TTC33: variants seen among roughly 807,000 people sequenced by gnomAD.
TTC33 encodes the protein tetratricopeptide repeat protein 33.
Under a neutral mutation model 29.4 loss-of-function variants are expected in TTC33, and 24 were observed. The observed-to-expected ratio is 0.82, with a 90% CI of 0.59 to 1.15. The LOEUF is 1.15. Among genes scored for constraint, TTC33 ranks in the 50% most tolerant of loss-of-function variants. The probability of loss-of-function intolerance (pLI) is 0.00; values close to 1 mark genes in which losing one functional copy is unlikely to be tolerated. For missense variants in TTC33, 286 were observed against 310.4 expected, an observed-to-expected ratio of 0.92 and a Z score of 0.59; for synonymous variants, 107 against 100.3, an observed-to-expected ratio of 1.07 and a Z score of -0.40.
At chr5:40,733,656 A>G (rs958888346) in intron 2 of TTC33, among the ~76,000 whole-genome samples, 1 of 152,142 alleles carries the variant, frequency 6.6e-6, no homozygotes, top group African/African-American at 2.4e-5. Context: ...AGGGTCAGGG[A>G]TGTTAACATT....
At position 40,714,479 on chromosome 5, in the gene TTC33, GA is replaced by G. The variant is rs910267449; in HGVS notation, c.*1665del. The G allele has an allele frequency of 1.3e-4, 20 of 152,006 alleles. No homozygotes were observed. Among genetic ancestry groups the G allele is most frequent in the South Asian group, 1.2e-3 (6 of 4,820 alleles). 9.4% of individuals were successfully genotyped at this position (152,006 alleles called of 1,614,324 possible). A position where few individuals can be genotyped will look rare whatever the true frequency, so the allele number is the denominator to read the frequency against. On this transcript the variant is annotated 3_prime_UTR_variant, in exon 5 of 5. Coordinates refer to ENST00000337702, the MANE Select transcript of TTC33 (RefSeq NM_012382.3). ...ATAATAGGAAAATCTTCAAAATGCA[GA>G]AAAAAACTATTTATTCACAAATTAC...
chr5:40,740,438 T>C (rs1742668288), intron 2 of TTC33, among the ~76,000 whole-genome samples: 1 of 152,146 alleles, frequency 6.6e-6, no homozygotes, highest in South Asian at 2.1e-4. Context: ...TTGGCAGTTT[T>C]ACTTTCCTTC....
chr5:40,750,718 T>C (rs1287291745), intron 1 of TTC33, among the ~76,000 whole-genome samples: 1 of 152,234 alleles, frequency 6.6e-6, no homozygotes, highest in Non-Finnish European at 1.5e-5. Context: ...ACTCTGCCAC[T>C]GCTTTATCAA....
At chr5:40,747,096 T>C in intron 1 of TTC33, 77 bp from the exon 2 acceptor site, 1 of 1,325,482 alleles carries the variant, frequency 7.5e-7, no homozygotes, top group Non-Finnish European at 1.0e-6. Flanking sequence ...CTCACTCTCG[T>C]TGCCCAGGCT....
chr5:40,717,465 G>C (rs1397236568), intron 4 of TTC33, among the ~76,000 whole-genome samples: 1 of 152,096 alleles, frequency 6.6e-6, no homozygotes, highest in Admixed American at 6.5e-5. Flanking sequence ...CTCCACTACA[G>C]TCTGGATAAA....
chr5:40,750,858 C>T (rs1742882342), intron 1 of TTC33, among the ~76,000 whole-genome samples: 2 of 152,192 alleles, frequency 1.3e-5, no homozygotes, highest in African/African-American at 4.8e-5. Flanking sequence ...ACTCCTCATC[C>T]TTTCAAATTT....
At chr5:40,730,864 C>A (rs2111898077) in intron 2 of TTC33, among the ~76,000 whole-genome samples, 1 of 152,136 alleles carries the variant, frequency 6.6e-6, no homozygotes, top group South Asian at 2.1e-4. Context: ...TGCCACTAAA[C>A]AATACTTAGT....
chr5:40,744,619 T>C (rs1339017025), intron 2 of TTC33, among the ~76,000 whole-genome samples: 1 of 152,122 alleles, frequency 6.6e-6, no homozygotes, highest in Admixed American at 6.5e-5. Flanking sequence ...GGCCTGATTT[T>C]AGATTTCTGG....
chr5:40,746,285 G>A (rs1742786002), intron 2 of TTC33, among the ~76,000 whole-genome samples: 1 of 152,070 alleles, frequency 6.6e-6, no homozygotes, highest in South Asian at 2.1e-4. Context: ...AGCTAAAGAA[G>A]GGCTAAAAAT....
chr5:40,740,613 G>T (rs1006610542), intron 2 of TTC33, among the ~76,000 whole-genome samples: 5 of 152,112 alleles, frequency 3.3e-5, no homozygotes. Context: ...CATTCCCGAG[G>T]GGCATGGGAC....
At position 40,715,900 on chromosome 5, in the gene TTC33, T is replaced by A. The variant is rs1741986644; in HGVS notation, c.*245A>T. On this transcript the variant is annotated 3_prime_UTR_variant, in exon 5 of 5. Coordinates refer to ENST00000337702, the MANE Select transcript of TTC33 (RefSeq NM_012382.3). ...ATTCATTTACATATTCAGATTAAAC[T>A]AAGTTTATTAATCAAAGACCATTTT... 2 of 394,146 alleles carry A rather than the reference T, an allele frequency of 5.1e-6. No homozygotes were observed. The highest frequency in any genetic ancestry group is 1.8e-4 in the South Asian group (2 of 11,274). 24.4% of individuals were successfully genotyped at this position (394,146 alleles called of 1,614,324 possible). A position where few individuals can be genotyped will look rare whatever the true frequency, so the allele number is the denominator to read the frequency against.
chr5:40,730,198 G>T, intron 3 of TTC33, 64 bp downstream of exon 3: 1 of 1,242,866 alleles, frequency 8.0e-7, no homozygotes, highest in Non-Finnish European at 1.1e-6. Context: ...CTTCATCATT[G>T]CTCACTCACC....
chr5:40,736,684 G>T (rs984208328), intron 2 of TTC33, among the ~76,000 whole-genome samples: 1 of 152,156 alleles, frequency 6.6e-6, no homozygotes, highest in Admixed American at 6.5e-5. Flanking sequence ...TTCACTTGGT[G>T]CTTATTAGGT....
intron 1 of TTC33, among the ~76,000 whole-genome samples, chr5:40,750,738 T>C (rs748769847): frequency 6.6e-6 from 1 of 152,236 alleles, no homozygotes; most frequent in Non-Finnish European, 1.5e-5. Context: ...ACTAAGTTTA[T>C]ATAATGTACT....
intron 2 of TTC33, among the ~76,000 whole-genome samples, chr5:40,730,574 C>A (rs1204476946): frequency 2.6e-5 from 4 of 152,146 alleles, no homozygotes; most frequent in Admixed American, 2.6e-4. Flanking sequence ...AAACTCCATA[C>A]CCATTAAACA....
chr5:40,735,578 T>C (rs1742531415), intron 2 of TTC33, among the ~76,000 whole-genome samples: 1 of 152,090 alleles, frequency 6.6e-6, no homozygotes, highest in South Asian at 2.1e-4. Context: ...AAAACAGAAG[T>C]AAGCCATGAA....
At chr5:40,751,292 A>G (rs1372189771) in intron 1 of TTC33, among the ~76,000 whole-genome samples, 1 of 152,256 alleles carries the variant, frequency 6.6e-6, no homozygotes, top group African/African-American at 2.4e-5. Flanking sequence ...CATCTCCATC[A>G]GAACTCTTGG....
chr5:40,716,201 C>G lies in TTC33; in HGVS notation c.733G>C (p.Glu245Gln). The change falls in exon 5 of 5, where the codon GAA (glutamate) becomes CAA (glutamine). Residue 245 changes from glutamate (E) to glutamine (Q), a missense_variant. Transcript: ENST00000337702. ...SASGAIETVTEKEDGATPPDG... is the reference protein window; with the variant it reads ...SASGAIETVTQKEDGATPPDG... ...GGTGGTGTAGCACCATCCTCCTTTT[C>G]AGTTACAGTCTCTATGGCCCCAGAA... 1 of 1,614,096 alleles carries G rather than the reference C, an allele frequency of 6.2e-7. No homozygotes were observed. The highest frequency in any genetic ancestry group is 1.1e-5 in the South Asian group (1 of 91,072).
At position 40,715,955 on chromosome 5, in the gene TTC33, A is replaced by G; in HGVS notation, c.*190T>C. 2.1e-6 allele frequency: 1 copy of G among 471,544 alleles called. No individual in the cohort carries two copies. The highest frequency in any genetic ancestry group is 3.7e-6 in the Non-Finnish European group (1 of 271,476). 29.2% of individuals were successfully genotyped at this position (471,544 alleles called of 1,614,324 possible). On this transcript the variant is annotated 3_prime_UTR_variant, in exon 5 of 5. Coordinates refer to ENST00000337702, the MANE Select transcript of TTC33 (RefSeq NM_012382.3). The stretch of plus-strand genomic sequence containing the variant: ...AGAATTTTAACCTTGAGAAATATAA[A>G]TCATAACTTATCAAAGCATATTCCA...
Sources: gnomAD v4.1 joint callset for allele counts (sites outside exome capture counted in the v4.1 genomes callset) on GRCh38, gnomAD v4.1.1 for gene constraint, MANE v1.5 for transcripts, NCBI Gene and HGNC (gene_info 2026-07-23, HGNC 2026-07-21) for gene names.